Variants in LRP1B observed in about 807,000 individuals in gnomAD.
LRP1B encodes the protein LDL receptor related protein 1B, also known as low-density lipoprotein receptor-related protein 1B.
In LRP1B, 217 loss-of-function variants were observed where a neutral mutation model predicts 556.6. The ratio of observed to expected loss-of-function variants is 0.39; its 90% CI spans 0.35 to 0.44. The LOEUF is 0.44. Among genes scored for constraint, LRP1B ranks in the 20% least tolerant of loss-of-function variants. The pLI, the probability that LRP1B is intolerant of heterozygous loss-of-function variation, is 1.00. For missense variants in LRP1B, 5,053 were observed against 5,620.8 expected, an observed-to-expected ratio of 0.90 and a Z score of 3.23; for synonymous variants, 2,047 against 1,865.8, an observed-to-expected ratio of 1.10 and a Z score of -2.50.
chr2:141,159,584 G>T (rs1057325320), intron 7 of LRP1B, among the ~76,000 whole-genome samples: 11 of 152,068 alleles, frequency 7.2e-5, no homozygotes, highest in Non-Finnish European at 8.8e-5. Flanking sequence ...TTCTTAAAAA[G>T]CAAAGGTAAT....
chr2:140,273,417 G>T (rs914292627), intron 85 of LRP1B, among the ~76,000 whole-genome samples: 2 of 151,920 alleles, frequency 1.3e-5, no homozygotes, highest in Admixed American at 1.3e-4. Flanking sequence ...ACTAAAAAAT[G>T]TACTTTCAAA....
intron 1 of LRP1B, among the ~76,000 whole-genome samples, chr2:141,931,271 C>T (rs905378452): frequency 1.3e-5 from 2 of 151,954 alleles, no homozygotes; most frequent in Non-Finnish European, 2.9e-5. Context: ...GAGAAAGATA[C>T]ACATCGTAGG....
intron 75 of LRP1B, among the ~76,000 whole-genome samples, chr2:140,353,965 C>T (rs186649637): frequency 1.3e-5 from 2 of 152,120 alleles, no homozygotes; most frequent in African/African-American, 4.8e-5. Context: ...CTCTAAATCA[C>T]TAGCATAAAT....
intron 14 of LRP1B, among the ~76,000 whole-genome samples, chr2:141,011,915 G>A (rs775066876): frequency 4.0e-5 from 6 of 151,788 alleles, no homozygotes; most frequent in Non-Finnish European, 5.9e-5. Flanking sequence ...CCTATATGTA[G>A]GGTAACCTTA....
At chr2:140,432,343 C>CAA (rs1685986525) in intron 66 of LRP1B, among the ~76,000 whole-genome samples, 1 of 152,146 alleles carries the variant, frequency 6.6e-6, no homozygotes, top group East Asian at 1.9e-4. Context: ...CCAGGTGAAA[C>CAA]AAACAGCCTT....
intron 7 of LRP1B, among the ~76,000 whole-genome samples, chr2:141,101,638 C>T (rs1278456338): frequency 6.6e-6 from 1 of 152,024 alleles, no homozygotes; most frequent in Non-Finnish European, 1.5e-5. Context: ...AATATGAGTG[C>T]ACAGATATGT....
At chr2:141,031,571 G>A (rs1161327400) in intron 11 of LRP1B, among the ~76,000 whole-genome samples, 1 of 151,852 alleles carries the variant, frequency 6.6e-6, no homozygotes, top group Non-Finnish European at 1.5e-5. Context: ...AATTAAATAT[G>A]TATAGATTAC....
intron 18 of LRP1B, among the ~76,000 whole-genome samples, chr2:140,954,861 T>A (rs1440734178): frequency 6.6e-6 from 1 of 151,978 alleles, no homozygotes; most frequent in Non-Finnish European, 1.5e-5. Flanking sequence ...ACTTAGCTTA[T>A]GGAGAAAAAT....
chr2:140,944,306 C>T (rs1353578605), intron 20 of LRP1B, among the ~76,000 whole-genome samples: 2 of 151,968 alleles, frequency 1.3e-5, no homozygotes, highest in Non-Finnish European at 2.9e-5. Flanking sequence ...AGTCCCAGAC[C>T]AGATGGATTC....
At chr2:141,967,148 G>A (rs1349761415) in intron 1 of LRP1B, among the ~76,000 whole-genome samples, 1 of 151,796 alleles carries the variant, frequency 6.6e-6, no homozygotes, top group Non-Finnish European at 1.5e-5. Flanking sequence ...TTATTTTAGA[G>A]CCCTTGTTTC....
intron 1 of LRP1B, among the ~76,000 whole-genome samples, chr2:142,054,115 C>T (rs115980371): frequency 0.012 from 1,759 of 152,070 alleles, 20 homozygotes; most frequent in African/African-American, 0.04. Context: ...TCTTTTAACA[C>T]GGGAGAAAAC....
At chr2:140,734,288 G>A (rs1279279602) in intron 35 of LRP1B, among the ~76,000 whole-genome samples, 1 of 152,172 alleles carries the variant, frequency 6.6e-6, no homozygotes, top group Non-Finnish European at 1.5e-5. Flanking sequence ...TGGAATGAGA[G>A]TCTAGAAAAG....
chr2:141,466,950 G>GATATATAT (rs59093011), intron 3 of LRP1B, among the ~76,000 whole-genome samples: 6 of 140,842 alleles, frequency 4.3e-5, no homozygotes, highest in South Asian at 4.8e-4. Context: ...GTGCTCAGGG[G>GATATATAT]ATATATATAT....
intron 3 of LRP1B, among the ~76,000 whole-genome samples, chr2:141,345,041 A>C (rs1002624144): frequency 6.6e-6 from 1 of 152,208 alleles, no homozygotes; most frequent in Non-Finnish European, 1.5e-5. Context: ...GGGTCCTTAC[A>C]AGTGAAAGGA....
intron 86 of LRP1B, among the ~76,000 whole-genome samples, chr2:140,268,882 CAAAAT>C (rs111433985): frequency 0.022 from 3,303 of 151,768 alleles, 114 homozygotes; most frequent in African/African-American, 0.074. Flanking sequence ...TTTTGGGAAA[CAAAAT>C]AGAGCGCTTC....
In LRP1B at chr2:140,237,735, C is replaced by A. The variant is rs1328785686; in HGVS notation, c.13560+417G>T. On this transcript the variant is annotated intron_variant, in intron 89 of 90. Transcript: ENST00000389484. ...ATATTTCAACATTGAAAGTCAGTAG[C>A]TTTACTTTATAATAGACCTTTATCT... Among the ~76,000 whole-genome samples the A allele has an allele frequency of 2.0e-5, 3 of 150,674 alleles. No individual in the cohort carries two copies. In the South Asian group the frequency reaches 6.2e-4, roughly 31 times the overall value.
At chr2:141,733,235 T>C (rs1427257697) in intron 2 of LRP1B, among the ~76,000 whole-genome samples, 1 of 152,156 alleles carries the variant, frequency 6.6e-6, no homozygotes, top group African/African-American at 2.4e-5. Context: ...GAGAATGATT[T>C]GGTCATGATA....
chr2:141,247,608 G>C (rs981192141), intron 4 of LRP1B, among the ~76,000 whole-genome samples: 2 of 152,140 alleles, frequency 1.3e-5, no homozygotes, highest in Admixed American at 6.6e-5. Context: ...AGTCAGGCTA[G>C]AAGTCTTTGG....
chr2:141,141,829 A>C (rs999173299), intron 7 of LRP1B, among the ~76,000 whole-genome samples: 18 of 152,172 alleles, frequency 1.2e-4, no homozygotes, highest in Admixed American at 1.2e-3. Flanking sequence ...AGAAAATGGC[A>C]ATCTGTATGT....
Sources: allele counts gnomAD v4.1 joint callset (sites outside exome capture counted in the v4.1 genomes callset), GRCh38; gene constraint gnomAD v4.1.1; transcripts MANE v1.5; gene names NCBI Gene and HGNC (gene_info 2026-07-23, HGNC 2026-07-21).